RBM12B: variants seen among roughly 807,000 people sequenced by gnomAD.
The protein encoded by RBM12B is RNA-binding protein 12B.
Under a neutral mutation model 34.3 loss-of-function variants are expected in RBM12B, and 10 were observed. That is an observed-to-expected ratio of 0.29 (90% CI 0.18 to 0.49). RBM12B has a LOEUF of 0.49. Ranked by LOEUF, RBM12B falls within the 20% of genes least tolerant of loss-of-function variation. RBM12B has a pLI of 0.99. For missense variants in RBM12B, 1,139 were observed against 1,262.7 expected, an observed-to-expected ratio of 0.90 and a Z score of 1.48; for synonymous variants, 477 against 437.1, an observed-to-expected ratio of 1.09 and a Z score of -1.14.
chr8:93,733,440 C>A lies in RBM12B; in HGVS notation c.2971G>T (p.Val991Phe). 1 of 1,557,684 alleles carries A rather than the reference C, an allele frequency of 6.4e-7. No individual in the cohort carries two copies. Among genetic ancestry groups the A allele is most frequent in the Non-Finnish European group, 8.7e-7 (1 of 1,153,536 alleles). Residue 991 changes from valine to phenylalanine, a missense_variant, in exon 4 of 4, where the codon GTT becomes TTT. Physicochemically the swap from Val to Phe is conservative, Grantham distance 50. Around this residue, in one of 3 missense-constraint regions of RBM12B, gnomAD observed 60 missense variants for 101.0 expected, o/e 0.59. Transcript: ENST00000520560. ...GTTAACTTAACTTTTCGGGGCCCAA[C>A]TGGCCTATCATTTAGATCTTTAATA... ...AAIKDLNDRP[V>F]GPRKVKLTLL
At chr8:93,738,800 G>A (rs991056196) in intron 2 of RBM12B, among the ~76,000 whole-genome samples, 14 of 152,098 alleles carry the variant, frequency 9.2e-5, no homozygotes, top group Admixed American at 2.0e-4. Context: ...TAAATGTTGC[G>A]TTAATCCAGA....
Position 93,733,825 on chromosome 8 carries a change from A to AG in RBM12B, c.2585dup (p.Asp863Ter). 6.2e-7 allele frequency: 1 copy of AG among 1,614,128 alleles called. No homozygotes were observed. Among genetic ancestry groups the AG allele is most frequent in the Non-Finnish European group, 8.5e-7 (1 of 1,180,024 alleles). ...CCTCACCAGGAGGTCTAAAATTGTC[A>AG]GGAAGTCTAGGGTCCTCCTCCGGAG... On this transcript the variant is annotated frameshift_variant, in exon 4 of 4. Transcript: ENST00000520560. LOFTEE classifies it high-confidence loss of function.
chr8:93,732,245 A>G lies in RBM12B; in HGVS notation c.*1160T>C, dbSNP rs1170409724. On this transcript the variant is annotated 3_prime_UTR_variant, in exon 4 of 4. Coordinates refer to ENST00000520560, the MANE Select transcript of RBM12B (RefSeq NM_001377960.1). ...GGGAATACCGAGATTATGCATGTAA[A>G]GTGCTTACAGTGCCTAGCACATAGT... 6.6e-6 allele frequency: 1 copy of G among 152,258 alleles called. No individual in the cohort carries two copies. The highest frequency in any genetic ancestry group is 1.9e-4 in the East Asian group (1 of 5,202). The allele number at this position is 152,258 out of a possible 1,614,324, so 9.4% of individuals were successfully genotyped here.
rs781715151 is a variant in RBM12B at position 93,735,600 on chromosome 8, T to C, written c.811A>G (p.Lys271Glu). Residue 271 changes from lysine (K) to glutamate (E), a missense_variant, in exon 4 of 4, where the codon AAA (lysine) becomes GAA (glutamate). Transcript: ENST00000520560. The stretch of plus-strand genomic sequence containing the variant: ...CGAGAACGTGTTCTTCTGGGAGATT[T>C]TGAATGAGACCGTTTTCGAAAATGT... ...DRHFRKRSHS[K>E]SPRRTRSRSP... is the part of the protein sequence containing the mutation. The C allele has an allele frequency of 1.4e-5, 23 of 1,614,054 alleles. No homozygotes were observed. The highest frequency in any genetic ancestry group is 2.7e-5 in the African/African-American group (2 of 74,938).
At chr8:93,740,474 G>A (rs1167716681) in intron 2 of RBM12B, 155 bp downstream of exon 2, 1 of 457,306 alleles carries the variant, frequency 2.2e-6, no homozygotes, top group Non-Finnish European at 4.4e-6. Flanking sequence ...CCGTTACGCC[G>A]TCTCAAGGGC....
At position 93,734,818 on chromosome 8, in the gene RBM12B, T is replaced by C; in HGVS notation, c.1593A>G (p.Leu531=). ...VGAFENFRHQ[L]EDLRQLDNFK... is the part of the protein sequence containing the mutation. ...AGTTATCCAGTTGCCTCAAGTCCTCTAGCTGATGTCTAAAGTTTTCAAAAG... is the reference window on the plus strand; with the variant it reads ...AGTTATCCAGTTGCCTCAAGTCCTCCAGCTGATGTCTAAAGTTTTCAAAAG... The change falls in exon 4 of 4, where the codon CTA becomes CTG. Residue 531 remains leucine (L), a synonymous_variant. Transcript: ENST00000520560. The C allele has an allele frequency of 1.2e-6, 2 of 1,614,186 alleles. No individual in the cohort carries two copies. Among genetic ancestry groups the C allele is most frequent in the African/African-American group, 1.3e-5 (1 of 75,056 alleles).
chr8:93,733,548 C>G lies in RBM12B; in HGVS notation c.2863G>C (p.Val955Leu), dbSNP rs374209317. 6.2e-7 allele frequency: 1 copy of G among 1,613,482 alleles called. No homozygotes were observed. Among genetic ancestry groups the G allele is most frequent in the African/African-American group, 1.3e-5 (1 of 74,926 alleles). The change falls in exon 4 of 4, where the codon GTT becomes CTT. Residue 955 changes from valine to leucine, a missense_variant. Coordinates refer to ENST00000520560, the MANE Select transcript of RBM12B (RefSeq NM_001377960.1). ...FHGYRIIPDS[V>L]SIQYNEQGLP... ...CCTTGCTCATTATACTGTATCGAAACTGAATCAGGTATGATTCTGTAACCA... is the reference window on the plus strand; with the variant it reads ...CCTTGCTCATTATACTGTATCGAAAGTGAATCAGGTATGATTCTGTAACCA...
Position 93,735,222 on chromosome 8 carries a change from CAG to C in RBM12B, c.1187_1188del (p.Ser396TrpfsTer14). The C allele has an allele frequency of 1.2e-6, 2 of 1,614,066 alleles. No homozygotes were observed. Among genetic ancestry groups the C allele is most frequent in the Non-Finnish European group, 1.7e-6 (2 of 1,180,040 alleles). On this transcript the variant is annotated frameshift_variant, in exon 4 of 4. Transcript: ENST00000520560. LOFTEE classifies it low-confidence loss of function (END_TRUNC). ...VSQKYSQEGNSGQKLCIYIRN... is the reference protein window; with the variant it reads ...VSQKYSQEGNXGQKLCIYIRN... The stretch of plus-strand genomic sequence containing the variant: ...CTTATATAGATGCACAGTTTCTGGC[CAG>C]AGTTACCTTCTTGAGAGTATTTTTG...
At position 93,732,138 on chromosome 8, in the gene RBM12B, G is replaced by GC. The variant is rs1369945004; in HGVS notation, c.*1266dup. 2 of 152,178 alleles carry GC rather than the reference G, an allele frequency of 1.3e-5. No individual in the cohort carries two copies. The highest frequency in any genetic ancestry group is 1.3e-4 in the Admixed American group (2 of 15,268). 9.4% of individuals were successfully genotyped at this position (152,178 alleles called of 1,614,324 possible). On this transcript the variant is annotated 3_prime_UTR_variant, in exon 4 of 4. Transcript: ENST00000520560. ...CACGATTTACTACCTATGACTTCAAGCAAGTTGCTTAACCTCGCACTTCAT... is the reference window on the plus strand; with the variant it reads ...CACGATTTACTACCTATGACTTCAAGCCAAGTTGCTTAACCTCGCACTTCAT...
rs752999970 is a variant in RBM12B at position 93,735,047 on chromosome 8, A to C, written c.1364T>G (p.Met455Arg). Residue 455 changes from methionine (M) to arginine (R), a missense_variant, in exon 4 of 4, where the codon ATG (methionine) becomes AGG (arginine). By Grantham distance (91) the Met-to-Arg change is moderately conservative (BLOSUM62 -1). Coordinates refer to ENST00000520560, the MANE Select transcript of RBM12B (RefSeq NM_001377960.1). Reference protein sequence around the residue: ...LVKFKSEEQAMKAERLNRRRF... With the variant: ...LVKFKSEEQARKAERLNRRRF... ...TCGTCGGTTTAAACGTTCAGCTTTCATGGCCTGTTCTTCTGATTTAAATTT... is the reference window on the plus strand; with the variant it reads ...TCGTCGGTTTAAACGTTCAGCTTTCCTGGCCTGTTCTTCTGATTTAAATTT... 1 of 1,614,112 alleles carries C rather than the reference A, an allele frequency of 6.2e-7. No homozygotes were observed.
intron 2 of RBM12B, chr8:93,738,986 T>C (rs1314178101): frequency 6.6e-6 from 1 of 152,200 alleles, no homozygotes; most frequent in Non-Finnish European, 1.5e-5. Context: ...AGGTTTGCTA[T>C]TAAAGTATTT....
intron 3 of RBM12B, 42 bp from the exon 4 acceptor site, chr8:93,736,480 G>T: frequency 2.7e-6 from 4 of 1,456,740 alleles, no homozygotes; most frequent in Non-Finnish European, 3.6e-6. Context: ...TCTTATTTTT[G>T]AAGTACCTTA....
In RBM12B at chr8:93,732,968, C is replaced by CT. The variant is rs1352725439; in HGVS notation, c.*436_*437insA. 6.6e-6 allele frequency: 1 copy of CT among 152,228 alleles called. No individual in the cohort carries two copies. The highest frequency in any genetic ancestry group is 1.5e-5 in the Non-Finnish European group (1 of 68,246). The allele number at this position is 152,228 out of a possible 1,614,324, so 9.4% of individuals were successfully genotyped here. A position where few individuals can be genotyped will look rare whatever the true frequency, so the allele number is the denominator to read the frequency against. On this transcript the variant is annotated 3_prime_UTR_variant, in exon 4 of 4. Coordinates refer to ENST00000520560, the MANE Select transcript of RBM12B (RefSeq NM_001377960.1). ...AGGAAGAGGGCATTAATTCTGCAGG[C>CT]AGGTAGCAATGAAAATGCCAAACCT... is the stretch of plus-strand genomic sequence containing the variant.
At chr8:93,738,207 C>G (rs950574787) in intron 2 of RBM12B, among the ~76,000 whole-genome samples, 2 of 152,158 alleles carry the variant, frequency 1.3e-5, no homozygotes, top group African/African-American at 2.4e-5. Flanking sequence ...TCAAGCCAAA[C>G]AGAAAATGCT....
Position 93,735,489 on chromosome 8 carries a change from C to T in RBM12B, c.922G>A (p.Asp308Asn), listed in dbSNP as rs781134315. 6.2e-7 allele frequency: 1 copy of T among 1,613,466 alleles called. No homozygotes were observed. The highest frequency in any genetic ancestry group is 2.2e-5 in the East Asian group (1 of 44,868). ...RDLRNFFRGT[D>N]LTDEQIRFLY... ...AACCTAATCTGTTCATCAGTCAGAT[C>T]AGTACCTCTAAAGAAATTTCTTAAA... The change falls in exon 4 of 4, where the codon GAT becomes AAT. Residue 308 changes from aspartate (D) to asparagine (N), a missense_variant. Around this residue, in one of 3 missense-constraint regions of RBM12B, gnomAD observed 863 missense variants for 869.5 expected, o/e 0.99. Transcript: ENST00000520560.
In RBM12B at chr8:93,730,745, G is replaced by A. The variant is rs945189600; in HGVS notation, c.*2660C>T. ...GCAGAGTTGGAGAGAGATGTGCAAA[G>A]ATGGCTCCCAACTAGAAGATACCAC... On this transcript the variant is annotated 3_prime_UTR_variant, in exon 4 of 4. Coordinates refer to ENST00000520560, the MANE Select transcript of RBM12B (RefSeq NM_001377960.1). The A allele has an allele frequency of 6.6e-6, 1 of 152,112 alleles. No homozygotes were observed. The highest frequency in any genetic ancestry group is 1.9e-4 in the East Asian group (1 of 5,192). 9.4% of individuals were successfully genotyped at this position (152,112 alleles called of 1,614,324 possible).
rs941026584 is a variant in RBM12B at position 93,730,930 on chromosome 8, G to A, written c.*2475C>T. The A allele has an allele frequency of 6.6e-6, 1 of 152,236 alleles. No homozygotes were observed. Among genetic ancestry groups the A allele is most frequent in the South Asian group, 2.1e-4 (1 of 4,828 alleles). 9.4% of individuals were successfully genotyped at this position (152,236 alleles called of 1,614,324 possible). A position where few individuals can be genotyped will look rare whatever the true frequency, so the allele number is the denominator to read the frequency against. On this transcript the variant is annotated 3_prime_UTR_variant, in exon 4 of 4. Transcript: ENST00000520560. ...TCCCAACACATTCTGGGAGACCAAG[G>A]AGTGAGGATTGCTTGAGGCCAGAAA...
Position 93,735,223 on chromosome 8 carries a change from A to G in RBM12B, c.1188T>C (p.Ser396=). The change falls in exon 4 of 4, where the codon TCT becomes TCC. Residue 396 remains serine, a synonymous_variant. Transcript: ENST00000520560. ...TTATATAGATGCACAGTTTCTGGCC[A>G]GAGTTACCTTCTTGAGAGTATTTTT... ...VSQKYSQEGN[S]GQKLCIYIRN... 1.4e-5 allele frequency: 23 copies of G among 1,614,140 alleles called. No individual in the cohort carries two copies. Among genetic ancestry groups the G allele is most frequent in the East Asian group, 4.5e-5 (2 of 44,884 alleles).
rs1811869153 is a variant in RBM12B, at chr8:93,733,662, T to C, written c.2749A>G (p.Ile917Val). ...GTTACTCTACCTGAACCACAATTTATTTTTGGATCAGGCATAAATCTCCCC... is the reference window on the plus strand; with the variant it reads ...GTTACTCTACCTGAACCACAATTTACTTTTGGATCAGGCATAAATCTCCCC... ...PEGRFMPDPK[I>V]NCGSGRVTPI... is the part of the protein sequence containing the mutation. The change falls in exon 4 of 4, where the codon ATA becomes GTA. Residue 917 changes from isoleucine to valine, a missense_variant. This residue lies in a region of RBM12B where 863 missense variants were observed against 869.5 expected (regional missense o/e 0.99). Transcript: ENST00000520560. 3 of 1,613,894 alleles carry C rather than the reference T, an allele frequency of 1.9e-6. No homozygotes were observed. The South Asian group carries it at 3.3e-5, about 18-fold the overall frequency.
Sources: gnomAD v4.1 joint callset for allele counts (sites outside exome capture counted in the v4.1 genomes callset) on GRCh38, gnomAD v4.1.1 for gene constraint, gnomAD v4.1.1 regional missense constraint, MANE v1.5 for transcripts, NCBI Gene and HGNC (gene_info 2026-07-23, HGNC 2026-07-21) for gene names.